CSMD3: variants seen among roughly 807,000 people sequenced by gnomAD.
CSMD3 encodes the protein CUB and sushi domain-containing protein 3.
Under a neutral mutation model 435.2 loss-of-function variants are expected in CSMD3, and 177 were observed. That is an observed-to-expected ratio of 0.41 (90% CI 0.36 to 0.46). The LOEUF is 0.46. Among genes scored for constraint, CSMD3 ranks in the 20% least tolerant of loss-of-function variants. The probability of loss-of-function intolerance (pLI) is 0.34; values close to 1 mark genes in which losing one functional copy is unlikely to be tolerated. For synonymous variants in CSMD3, 1,656 were observed against 1,520.5 expected, an observed-to-expected ratio of 1.09 and a Z score of -2.07; for missense variants, 4,265 against 4,504.6, an observed-to-expected ratio of 0.95 and a Z score of 1.52.
rs546372448 is a variant in CSMD3, at chr8:112,653,827, T to G, written c.3004+2327A>C. 9.9e-5 allele frequency among the ~76,000 whole-genome samples: 15 copies of G among 152,078 alleles called. No homozygotes were observed. In the East Asian group the frequency reaches 2.9e-3, roughly 30 times the overall value. On this transcript the variant is annotated intron_variant, in intron 18 of 70. Transcript: ENST00000297405. ...AGCACACACCACCATGCCTGGCTAATTTTTGTATTTTTAGTAGAGATGGGG... is the reference window on the plus strand; with the variant it reads ...AGCACACACCACCATGCCTGGCTAAGTTTTGTATTTTTAGTAGAGATGGGG...
At chr8:112,789,758 CA>C (rs1307719586) in intron 13 of CSMD3, among the ~76,000 whole-genome samples, 3 of 151,940 alleles carry the variant, frequency 2.0e-5, no homozygotes, top group African/African-American at 7.2e-5. Flanking sequence ...ACTTTGATCC[CA>C]CTAAATTGGA....
chr8:113,314,475 A>G (rs2093894424), intron 2 of CSMD3, 96 bp downstream of exon 2: 1 of 756,796 alleles, frequency 1.3e-6, no homozygotes, highest in African/African-American at 1.7e-5. Context: ...CAACTTTATT[A>G]TAATTGCATC....
chr8:112,541,810 A>C (rs1307577872), intron 27 of CSMD3, among the ~76,000 whole-genome samples: 3 of 152,028 alleles, frequency 2.0e-5, no homozygotes, highest in Non-Finnish European at 4.4e-5. Context: ...CTGATACCAA[A>C]GCCAGAAAAA....
At chr8:112,314,392 A>C in intron 48 of CSMD3, 37 bp downstream of exon 48, 1 of 1,377,002 alleles carries the variant, frequency 7.3e-7, no homozygotes. Flanking sequence ...ATTTGTACTT[A>C]ATTGATGAAT....
chr8:113,408,767 C>A lies in CSMD3; in HGVS notation c.178+27910G>T, dbSNP rs1041668179. 5.9e-5 allele frequency among the ~76,000 whole-genome samples: 9 copies of A among 151,496 alleles called. No homozygotes were observed. The East Asian group carries it at 1.8e-3, about 30-fold the overall frequency. The stretch of plus-strand genomic sequence containing the variant: ...CTCCCTCCTGGGTTCAAGGTTCAAG[C>A]GATTCTTCTGTCTCAGCCTCCCGAG... On this transcript the variant is annotated intron_variant, in intron 1 of 70. Coordinates refer to ENST00000297405, the MANE Select transcript of CSMD3 (RefSeq NM_198123.2).
chr8:112,290,788 A>C (rs988059953), intron 56 of CSMD3, among the ~76,000 whole-genome samples: 1 of 151,916 alleles, frequency 6.6e-6, no homozygotes, highest in African/African-American at 2.4e-5. Flanking sequence ...CAAGTCCAAG[A>C]CTCACCAACT....
intron 11 of CSMD3, among the ~76,000 whole-genome samples, chr8:112,853,121 A>C (rs1185438965): frequency 6.6e-6 from 1 of 152,202 alleles, no homozygotes; most frequent in Non-Finnish European, 1.5e-5. Flanking sequence ...AATCACATAA[A>C]AATGTAACAT....
At chr8:113,116,730 C>T (rs890727499) in intron 4 of CSMD3, among the ~76,000 whole-genome samples, 3 of 152,130 alleles carry the variant, frequency 2.0e-5, no homozygotes, top group Non-Finnish European at 2.9e-5. Context: ...AAGTTTGAAA[C>T]TTCCTAGAGA....
chr8:112,959,628 C>T (rs1196614987), intron 7 of CSMD3, among the ~76,000 whole-genome samples: 1 of 151,578 alleles, frequency 6.6e-6, no homozygotes, highest in African/African-American at 2.4e-5. Flanking sequence ...TGTGCGTTTC[C>T]CACTTTTTAT....
intron 16 of CSMD3, among the ~76,000 whole-genome samples, chr8:112,672,863 G>A (rs764829141): frequency 3.3e-5 from 5 of 151,980 alleles, no homozygotes; most frequent in African/African-American, 4.8e-5. Flanking sequence ...TTAAGACCTC[G>A]ATGAAAGAAT....
chr8:112,373,853 G>A (rs1223757334), intron 38 of CSMD3, among the ~76,000 whole-genome samples: 1 of 152,174 alleles, frequency 6.6e-6, no homozygotes, highest in African/African-American at 2.4e-5. Flanking sequence ...GGGAGTAATA[G>A]TCTCCAGTGT....
At chr8:112,414,263 C>A (rs1811669889) in intron 32 of CSMD3, among the ~76,000 whole-genome samples, 1 of 152,102 alleles carries the variant, frequency 6.6e-6, no homozygotes, top group Non-Finnish European at 1.5e-5. Context: ...TCCCAATAAT[C>A]CCTATGTCCC....
chr8:113,093,734 TTAAATC>T (rs1423630411), intron 5 of CSMD3, among the ~76,000 whole-genome samples: 2 of 152,150 alleles, frequency 1.3e-5, no homozygotes, highest in Non-Finnish European at 2.9e-5. Context: ...ATTTGTTAGT[TTAAATC>T]TAAATGTTTA....
chr8:112,596,776 T>C (rs2131393861), intron 22 of CSMD3, among the ~76,000 whole-genome samples: 1 of 152,144 alleles, frequency 6.6e-6, no homozygotes, highest in Non-Finnish European at 1.5e-5. Context: ...ACTGGATACA[T>C]AATGAAATGA....
chr8:113,393,381 G>A (rs1412868498), intron 1 of CSMD3, among the ~76,000 whole-genome samples: 1 of 152,048 alleles, frequency 6.6e-6, no homozygotes, highest in Non-Finnish European at 1.5e-5. Flanking sequence ...TTATTAGAAG[G>A]AAACAAATAA....
chr8:112,468,823 T>C (rs187997303), intron 32 of CSMD3, among the ~76,000 whole-genome samples: 36 of 152,080 alleles, frequency 2.4e-4, no homozygotes, highest in Non-Finnish European at 4.1e-4. Context: ...GAGAGTAAAA[T>C]ATTAATAAAT....
At chr8:113,380,976 C>T (rs932757679) in intron 1 of CSMD3, among the ~76,000 whole-genome samples, 25 of 152,044 alleles carry the variant, frequency 1.6e-4, no homozygotes, top group Admixed American at 3.9e-4. Context: ...TCACTTCTTC[C>T]CTCAGGCCTT....
chr8:113,355,767 C>CACAT lies in CSMD3; in HGVS notation c.179-40975_179-40974insATGT, dbSNP rs1186190872. Reference sequence around the variant, plus strand: ...ATATATATACACACACACACACACACGGGGTGTGTGTGTGTGTGTGTGTGT... The same window carrying CACAT: ...ATATATATACACACACACACACACACACATGGGGTGTGTGTGTGTGTGTGTGTGT... On this transcript the variant is annotated intron_variant, in intron 1 of 70. Transcript: ENST00000297405. Among the ~76,000 whole-genome samples, 215 of 56,566 alleles carry CACAT rather than the reference C, an allele frequency of 3.8e-3. 2 individuals carry two copies. Among genetic ancestry groups the CACAT allele is most frequent in the African/African-American group, 0.013 (197 of 15,524 alleles). 37.1% of individuals were successfully genotyped at this position (56,566 alleles called of 152,430 possible). A position where few individuals can be genotyped will look rare whatever the true frequency, so the allele number is the denominator to read the frequency against.
chr8:113,231,019 T>G (rs1007711961), intron 3 of CSMD3, among the ~76,000 whole-genome samples: 1 of 151,412 alleles, frequency 6.6e-6, no homozygotes, highest in African/African-American at 2.4e-5. Context: ...CAATTTTTTT[T>G]CTTTTGAATA....
Sources: gnomAD v4.1 joint callset for allele counts (sites outside exome capture counted in the v4.1 genomes callset) on GRCh38, gnomAD v4.1.1 for gene constraint, MANE v1.5 for transcripts, NCBI Gene and HGNC (gene_info 2026-07-23, HGNC 2026-07-21) for gene names.